RSF1: variants seen among roughly 807,000 people sequenced by gnomAD.
RSF1 encodes the protein HBV pX-associated protein 8.
RSF1 carries 13 observed loss-of-function variants against 145.2 expected under a neutral mutation model. That is an observed-to-expected ratio of 0.09 (90% confidence interval 0.06 to 0.14). RSF1 has a LOEUF of 0.14. RSF1 is among the 10% of genes least tolerant of loss of function. The pLI is 1.00. For missense variants in RSF1, 1,517 were observed against 1,718.2 expected, an observed-to-expected ratio of 0.88 and a Z score of 2.07; for synonymous variants, 577 against 592.6, an observed-to-expected ratio of 0.97 and a Z score of 0.38.
intron 1 of RSF1, among the ~76,000 whole-genome samples, chr11:77,795,175 C>A (rs1017042248): frequency 1.3e-5 from 2 of 152,070 alleles, no homozygotes; most frequent in Non-Finnish European, 2.9e-5. Context: ...AACTATAAAA[C>A]ACTGACTGAA....
chr11:77,861,125 C>G, the RSF1 span, among the ~76,000 whole-genome samples: 7 of 152,172 alleles, frequency 4.6e-5, no homozygotes, highest in South Asian at 1.0e-3. Flanking sequence ...CCATATTGTC[C>G]TTCTGTTGCC....
At chr11:77,691,064 C>G in intron 9 of RSF1, 95 bp downstream of exon 9, 1 of 1,244,426 alleles carries the variant, frequency 8.0e-7, no homozygotes, top group Non-Finnish European at 1.2e-6. Context: ...CCACAGTATG[C>G]CAATCCTTGT....
chr11:77,790,445 T>C (rs985546524), intron 1 of RSF1, among the ~76,000 whole-genome samples: 6 of 152,046 alleles, frequency 3.9e-5, no homozygotes, highest in Admixed American at 2.0e-4. Context: ...AGCCAAGCCA[T>C]ATCATCCTGC....
chr11:77,673,820 CAAGGAAACAA>C (rs1959620348), intron 14 of RSF1, among the ~76,000 whole-genome samples: 2 of 152,158 alleles, frequency 1.3e-5, no homozygotes, highest in East Asian at 3.9e-4. Flanking sequence ...AATCTTATCA[CAAGGAAACAA>C]AAGAAATCAA....
At chr11:77,763,879 C>T (rs1266545747) in intron 2 of RSF1, 1 of 149,160 alleles carries the variant, frequency 6.7e-6, no homozygotes, top group African/African-American at 2.5e-5. Context: ...CATCAGGGAC[C>T]AGTTTTGCGG....
chr11:77,687,282 C>T (rs1960034556), intron 9 of RSF1, among the ~76,000 whole-genome samples: 1 of 152,196 alleles, frequency 6.6e-6, no homozygotes, highest in Non-Finnish European at 1.5e-5. Flanking sequence ...CATTAACTGG[C>T]TCTGTGCCAG....
At chr11:77,787,227 A>G (rs1166915490) in intron 1 of RSF1, among the ~76,000 whole-genome samples, 6 of 152,168 alleles carry the variant, frequency 3.9e-5, no homozygotes, top group East Asian at 3.8e-4. Flanking sequence ...CTGCCCCCCA[A>G]CAGCAAGAAT....
At position 77,672,030 on chromosome 11, in the gene RSF1, C is replaced by G. The variant is rs748412457; in HGVS notation, c.3751+12G>C. ...TGTCCAAACTTCTATATATAGGAGA[C>G]CTATGCCTTACCTTCACTCTCTGAG... is the stretch of plus-strand genomic sequence containing the variant. On this transcript the variant is annotated intron_variant, in intron 15 of 15. Coordinates refer to ENST00000308488, the MANE Select transcript of RSF1 (RefSeq NM_016578.4). 9 of 1,604,874 alleles carry G rather than the reference C, an allele frequency of 5.6e-6. No homozygotes were observed. The highest frequency in any genetic ancestry group is 1.7e-4 in the Middle Eastern group (1 of 6,022).
At chr11:77,867,671 G>C in the RSF1 span, among the ~76,000 whole-genome samples, 2 of 152,196 alleles carry the variant, frequency 1.3e-5, no homozygotes, top group Non-Finnish European at 2.9e-5. Flanking sequence ...AACATAACAG[G>C]TGGAGCCCAG....
At chr11:77,774,841 G>C (rs1054351835) in intron 1 of RSF1, among the ~76,000 whole-genome samples, 3 of 149,706 alleles carry the variant, frequency 2.0e-5, no homozygotes, top group Non-Finnish European at 3.0e-5. Flanking sequence ...ATCTCGGCTT[G>C]CTGCAACCTC....
intron 4 of RSF1, among the ~76,000 whole-genome samples, chr11:77,733,499 TA>T (rs1203220441): frequency 6.6e-6 from 1 of 152,066 alleles, no homozygotes; most frequent in Admixed American, 6.5e-5. Context: ...CTTTATTTGC[TA>T]AAATTCTCTA....
intron 15 of RSF1, among the ~76,000 whole-genome samples, chr11:77,669,267 A>T (rs916451685): frequency 2.6e-5 from 4 of 152,182 alleles, no homozygotes; most frequent in Non-Finnish European, 5.9e-5. Flanking sequence ...CTATTACAAT[A>T]ACTTCCCAAT....
At chr11:77,851,979 A>G in the RSF1 span, among the ~76,000 whole-genome samples, 1 of 152,122 alleles carries the variant, frequency 6.6e-6, no homozygotes, top group Non-Finnish European at 1.5e-5. Context: ...ATCAATTCAG[A>G]TTCACTAGTT....
At chr11:77,703,991 A>T (rs1279256027) in intron 5 of RSF1, among the ~76,000 whole-genome samples, 2 of 152,204 alleles carry the variant, frequency 1.3e-5, no homozygotes, top group African/African-American at 2.4e-5. Flanking sequence ...ACTGATTACT[A>T]TCTTTAAAAA....
At chr11:77,869,732 G>A in the RSF1 span, 1 of 1,613,840 alleles carries the variant, frequency 6.2e-7, no homozygotes, top group Non-Finnish European at 8.5e-7. Context: ...CATTCTCCTG[G>A]TGTGCAGCCT....
chr11:77,869,689 A>T, the RSF1 span: 1 of 1,586,652 alleles, frequency 6.3e-7, no homozygotes. Context: ...GATTGAGAGC[A>T]GGTACCTGTC....
intron 5 of RSF1, among the ~76,000 whole-genome samples, chr11:77,714,746 G>A (rs1279911189): frequency 6.6e-6 from 1 of 152,156 alleles, no homozygotes; most frequent in Non-Finnish European, 1.5e-5. Flanking sequence ...AGAGGCTGGG[G>A]TAGGAGGACT....
chr11:77,744,800 TAATGCTGGCCTTCTAA>T (rs1368427195), intron 3 of RSF1, among the ~76,000 whole-genome samples: 1 of 152,244 alleles, frequency 6.6e-6, no homozygotes, highest in African/African-American at 2.4e-5. Flanking sequence ...GGGATCAGTA[TAATGCTGGCCTTCTAA>T]AATTAGTCTG....
intron 12 of RSF1, among the ~76,000 whole-genome samples, chr11:77,677,397 C>T (rs1428893987): frequency 6.6e-6 from 1 of 152,170 alleles, no homozygotes; most frequent in African/African-American, 2.4e-5. Context: ...TCAAGAATCT[C>T]TTCTTGAAAG....
Sources: allele counts gnomAD v4.1 joint callset (sites outside exome capture counted in the v4.1 genomes callset), GRCh38; gene constraint gnomAD v4.1.1; transcripts MANE v1.5; gene names NCBI Gene and HGNC (gene_info 2026-07-23, HGNC 2026-07-21).